DCX: variants seen among roughly 807,000 people sequenced by gnomAD.
The protein encoded by DCX is neuronal migration protein doublecortin.
Under a neutral mutation model 20.9 loss-of-function variants are expected in DCX, and 4 were observed. The ratio of observed to expected loss-of-function variants is 0.19; its 90% CI spans 0.09 to 0.44. DCX has a LOEUF of 0.44. Among genes scored for constraint, DCX ranks in the 20% least tolerant of loss-of-function variants. DCX has a pLI of 0.99. For synonymous variants in DCX, 103 were observed against 111.4 expected (o/e 0.92, Z 0.47); for missense variants, 133 against 296.9 (o/e 0.45, Z 4.06).
intron 2 of DCX, among the ~76,000 whole-genome samples, chrX:111,405,348 A>G (rs1928126335): frequency 8.9e-6 from 1 of 112,226 alleles, no homozygotes; most frequent in African/African-American, 3.2e-5. Flanking sequence ...CATCCCTCCC[A>G]GGTATCTTAA....
chrX:111,375,693 A>G (rs1313214852), intron 3 of DCX, among the ~76,000 whole-genome samples: 1 of 112,041 alleles, frequency 8.9e-6, no homozygotes, highest in Non-Finnish European at 1.9e-5. Context: ...TCAGTTACCC[A>G]AGCCAGGAGT....
chrX:111,348,207 A>T (rs778892234), intron 3 of DCX, among the ~76,000 whole-genome samples: 33 of 112,319 alleles, frequency 2.9e-4, no homozygotes, highest in Non-Finnish European at 5.3e-4. Flanking sequence ...TATACTGCAA[A>T]GGCATTTCCT....
In DCX at chrX:111,301,656, G is replaced by A; in HGVS notation, c.*31C>T. ...CTACTACAATGATAGGCTTGGATTTGTACTCTGGACTCTGAGCACTCTCCC... is the reference window on the plus strand; with the variant it reads ...CTACTACAATGATAGGCTTGGATTTATACTCTGGACTCTGAGCACTCTCCC... On this transcript the variant is annotated 3_prime_UTR_variant, in exon 7 of 7. Coordinates refer to ENST00000636035, the MANE Select transcript of DCX (RefSeq NM_001195553.2). 2 of 1,201,493 alleles carry A rather than the reference G, an allele frequency of 1.7e-6. No individual in the cohort carries two copies. Among genetic ancestry groups the A allele is most frequent in the Non-Finnish European group, 2.3e-6 (2 of 886,194 alleles).
In DCX at chrX:111,331,016, T is replaced by C; in HGVS notation, c.834A>G (p.Pro278=). The part of the protein sequence containing the change: ...ENECRVMKGN[P]SATAGPKASP... ...ATGCCTTTGGGCCAGCTGTGGCTGA[T>C]GGGTTTCCCTTCATGACTCGGCATT... Residue 278 remains proline (P), a synonymous_variant, in exon 5 of 7, where the codon CCA becomes CCG. Coordinates refer to ENST00000636035, the MANE Select transcript of DCX (RefSeq NM_001195553.2). The C allele has an allele frequency of 8.3e-7, 1 of 1,211,659 alleles. No individual in the cohort carries two copies. The highest frequency in any genetic ancestry group is 1.1e-6 in the Non-Finnish European group (1 of 895,355).
intron 3 of DCX, among the ~76,000 whole-genome samples, chrX:111,347,499 C>T (rs1402004925): frequency 1.8e-5 from 2 of 111,448 alleles, no homozygotes; most frequent in African/African-American, 6.5e-5. Context: ...GAAAATGACC[C>T]ATCCCAGGCC....
intron 3 of DCX, among the ~76,000 whole-genome samples, chrX:111,348,918 C>T (rs1468798194): frequency 1.8e-5 from 2 of 110,318 alleles, no homozygotes; most frequent in East Asian, 2.9e-4. Flanking sequence ...TGTCTACCTG[C>T]ATTCTAGGTT....
chrX:111,345,813 C>A (rs1267943035), intron 3 of DCX, among the ~76,000 whole-genome samples: 16 of 112,065 alleles, frequency 1.4e-4, no homozygotes, highest in African/African-American at 4.2e-4. Flanking sequence ...CCTGAGGAAT[C>A]GCCCTACTGC....
At chrX:111,397,734 A>G (rs1171968590) in intron 3 of DCX, among the ~76,000 whole-genome samples, 1 of 111,851 alleles carries the variant, frequency 8.9e-6, no homozygotes, top group Non-Finnish European at 1.9e-5. Flanking sequence ...TATGTAAACA[A>G]CATTTTCTAG....
intron 3 of DCX, among the ~76,000 whole-genome samples, chrX:111,378,675 C>G (rs1603420913): frequency 9.0e-6 from 1 of 110,909 alleles, no homozygotes; most frequent in African/African-American, 3.3e-5. Context: ...ACTATACCCA[C>G]AGTTGTCTGT....
At chrX:111,359,463 A>G (rs1207378580) in intron 3 of DCX, among the ~76,000 whole-genome samples, 2 of 112,166 alleles carry the variant, frequency 1.8e-5, no homozygotes, top group African/African-American at 6.5e-5. Flanking sequence ...TTTTTTTATC[A>G]TCTTTGGGTA....
intron 3 of DCX, among the ~76,000 whole-genome samples, chrX:111,393,059 C>T (rs765330102): frequency 9.0e-6 from 1 of 111,242 alleles, no homozygotes; most frequent in Non-Finnish European, 1.9e-5. Flanking sequence ...TTGTAGAGTA[C>T]TTGTATTGTA....
At chrX:111,358,869 C>T (rs761416134) in intron 3 of DCX, among the ~76,000 whole-genome samples, 3 of 111,760 alleles carry the variant, frequency 2.7e-5, no homozygotes, top group Admixed American at 1.9e-4. Flanking sequence ...AAATTATAAA[C>T]GACCTAGGAA....
chrX:111,379,080 C>T (rs1925762794), intron 3 of DCX, among the ~76,000 whole-genome samples: 1 of 111,949 alleles, frequency 8.9e-6, no homozygotes, highest in Admixed American at 9.5e-5. Flanking sequence ...TATAAATTAC[C>T]TAGTCTAAGG....
chrX:111,396,357 A>G (rs1429244732), intron 3 of DCX, among the ~76,000 whole-genome samples: 14 of 112,083 alleles, frequency 1.2e-4, no homozygotes, highest in Non-Finnish European at 2.4e-4. Flanking sequence ...AACAAGCACT[A>G]AAGGCCATAC....
intron 5 of DCX, among the ~76,000 whole-genome samples, chrX:111,325,031 C>T (rs2095096383): frequency 9.0e-6 from 1 of 111,531 alleles, no homozygotes. Context: ...TTTTCTCTTC[C>T]CACAGCTCTG....
rs1381503915 is a variant in DCX at position 111,374,172 on chromosome X, A to C, written c.705+26818T>G. 2.7e-5 allele frequency among the ~76,000 whole-genome samples: 3 copies of C among 112,009 alleles called. No individual in the cohort carries two copies. The Admixed American group carries it at 2.8e-4, about 11-fold the overall frequency. On this transcript the variant is annotated intron_variant, in intron 3 of 6. Coordinates refer to ENST00000636035, the MANE Select transcript of DCX (RefSeq NM_001195553.2). Reference sequence around the variant, plus strand: ...ACAGGAGCTTGCTCCAGAAGTTATTAAAATAGAGCCCATGCCATAATGAGA... The same window carrying C: ...ACAGGAGCTTGCTCCAGAAGTTATTCAAATAGAGCCCATGCCATAATGAGA...
intron 3 of DCX, among the ~76,000 whole-genome samples, chrX:111,384,492 G>A (rs772808043): frequency 4.9e-4 from 54 of 111,267 alleles, no homozygotes; most frequent in African/African-American, 1.7e-3. Flanking sequence ...TCTAGGTATG[G>A]AGTTTGTCTT....
chrX:111,373,478 T>G (rs1313806275), intron 3 of DCX, among the ~76,000 whole-genome samples: 1 of 111,870 alleles, frequency 8.9e-6, no homozygotes, highest in Admixed American at 9.5e-5. Flanking sequence ...TTTGTCGTCA[T>G]TCGGGAATAT....
intron 2 of DCX, among the ~76,000 whole-genome samples, chrX:111,403,769 G>T: frequency 8.9e-6 from 1 of 112,190 alleles, no homozygotes; most frequent in Non-Finnish European, 1.9e-5. Flanking sequence ...CCCATGGCCA[G>T]GTGCGACGGC....
Sources: allele counts gnomAD v4.1 joint callset (sites outside exome capture counted in the v4.1 genomes callset), GRCh38; gene constraint gnomAD v4.1.1; transcripts MANE v1.5; gene names NCBI Gene and HGNC (gene_info 2026-07-23, HGNC 2026-07-21).